Variants in CRX observed in about 807,000 individuals in gnomAD.
The protein encoded by CRX is cone-rod homeobox, also known as cone-rod homeobox protein.
A neutral mutation model predicts 13.1 loss-of-function variants in CRX; 5 were observed. That is an observed-to-expected ratio of 0.38 (90% CI 0.20 to 0.80). The LOEUF (loss-of-function observed/expected upper bound fraction) is 0.80, where lower values mean the gene tolerates loss of function less well. Ranked by LOEUF, CRX falls within the 30% of genes least tolerant of loss-of-function variation. CRX has a pLI of 0.43. For synonymous variants in CRX, 179 were observed against 171.1 expected, an observed-to-expected ratio of 1.05 and a Z score of -0.36; for missense variants, 351 against 391.8, an observed-to-expected ratio of 0.90 and a Z score of 0.88.
At position 47,839,751 on chromosome 19, in the gene CRX, G is replaced by A. The variant is rs756105390; in HGVS notation, c.684G>A (p.Gln228=). ...LDPYLSPMVP[Q]LGGPALSPLS... ...CCTACCTTTCTCCCATGGTGCCCCA[G>A]CTAGGGGGCCCGGCTCTTAGCCCCC... Residue 228 remains glutamine (Q), a synonymous_variant, in exon 4 of 4, where the codon CAG becomes CAA. Coordinates refer to ENST00000221996, the MANE Select transcript of CRX (RefSeq NM_000554.6). The surrounding 1 kb of genome is among the most constrained non-coding windows in gnomAD (Gnocchi z 4.6). The A allele has an allele frequency of 2.7e-5, 43 of 1,613,920 alleles. No individual in the cohort carries two copies. The highest frequency in any genetic ancestry group is 3.5e-5 in the Non-Finnish European group (41 of 1,179,980).
At chr19:47,837,875 A>ATG (rs1968137751) in intron 3 of CRX, among the ~76,000 whole-genome samples, 1 of 152,110 alleles carries the variant, frequency 6.6e-6, no homozygotes, top group South Asian at 2.1e-4. Flanking sequence ...TGACATATAT[A>ATG]TGTGTGAGGT....
intron 3 of CRX, among the ~76,000 whole-genome samples, chr19:47,837,315 T>C (rs1968129500): frequency 1.3e-5 from 2 of 152,022 alleles, no homozygotes; most frequent in African/African-American, 4.8e-5. Context: ...TACAGGCGTG[T>C]GCCACCACAC....
chr19:47,838,632 T>C (rs998089284), intron 3 of CRX, among the ~76,000 whole-genome samples: 13 of 150,542 alleles, frequency 8.6e-5, no homozygotes, highest in Middle Eastern at 3.2e-3. Flanking sequence ...ATGTGTATGA[T>C]GTATGTATGT....
chr19:47,833,505 C>T lies in CRX; in HGVS notation c.-35-904C>T, dbSNP rs147974098. Among the ~76,000 whole-genome samples the T allele has an allele frequency of 2.9e-3, 441 of 152,080 alleles. 11 individuals are homozygous for T. The East Asian group carries it at 0.03, about 10-fold the overall frequency. Reference sequence around the variant, plus strand: ...CCATGTTGGCCAGGCTGGTCTTGAACTTCTGACCTTAGGTGATCCATCCAT... The same window carrying T: ...CCATGTTGGCCAGGCTGGTCTTGAATTTCTGACCTTAGGTGATCCATCCAT... On this transcript the variant is annotated intron_variant, in intron 1 of 3. Transcript: ENST00000221996.
At chr19:47,835,161 A>G (rs979252276) in intron 2 of CRX, among the ~76,000 whole-genome samples, 3 of 152,072 alleles carry the variant, frequency 2.0e-5, no homozygotes, top group African/African-American at 4.8e-5. Context: ...TGCCTGGCTA[A>G]CTTTTTTAAG....
intron 1 of CRX, among the ~76,000 whole-genome samples, chr19:47,825,614 C>A (rs1008064018): frequency 2.6e-5 from 4 of 152,160 alleles, no homozygotes; most frequent in Admixed American, 6.6e-5. Flanking sequence ...CTCCTCTCCC[C>A]TATCCGTTAA....
At chr19:47,838,321 C>T (rs1968144268) in intron 3 of CRX, among the ~76,000 whole-genome samples, 1 of 151,870 alleles carries the variant, frequency 6.6e-6, no homozygotes, top group Non-Finnish European at 1.5e-5. Flanking sequence ...GATTGGATGA[C>T]TGGATGGGTT....
At chr19:47,838,403 T>A (rs1454793276) in intron 3 of CRX, among the ~76,000 whole-genome samples, 1 of 152,080 alleles carries the variant, frequency 6.6e-6, no homozygotes, top group Non-Finnish European at 1.5e-5. Context: ...TCTGCATGAT[T>A]GTATGTATGG....
At chr19:47,832,844 T>C (rs1035512384) in intron 1 of CRX, among the ~76,000 whole-genome samples, 1 of 151,854 alleles carries the variant, frequency 6.6e-6, no homozygotes, top group African/African-American at 2.4e-5. Flanking sequence ...ACATTGAAGG[T>C]GAATTACTAG....
chr19:47,826,284 C>T (rs1967974332), intron 1 of CRX, among the ~76,000 whole-genome samples: 1 of 151,882 alleles, frequency 6.6e-6, no homozygotes. Flanking sequence ...GTAAGTCACA[C>T]TTTCGAGCCT....
intron 2 of CRX, among the ~76,000 whole-genome samples, chr19:47,835,079 C>T (rs148707908): frequency 2.5e-4 from 38 of 152,208 alleles, no homozygotes; most frequent in African/African-American, 8.7e-4. Flanking sequence ...ACTACAGCCT[C>T]GAACTCCTGG....
rs749148264 is a variant in CRX, at chr19:47,839,386, C to G, written c.319C>G (p.Pro107Ala). 22 of 1,613,386 alleles carry G rather than the reference C, an allele frequency of 1.4e-5. No individual in the cohort carries two copies. Among genetic ancestry groups the G allele is most frequent in the Non-Finnish European group, 1.7e-5 (20 of 1,179,786 alleles). The change falls in exon 4 of 4, where the codon CCC becomes GCC. Residue 107 changes from proline to alanine, a missense_variant. Around this residue, in one of 3 missense-constraint regions of CRX, gnomAD observed 253 missense variants for 268.3 expected, o/e 0.94. Coordinates refer to ENST00000221996, the MANE Select transcript of CRX (RefSeq NM_000554.6). This position sits in a 1 kb window ranked among gnomAD's most constrained non-coding sequence, Gnocchi z 4.6. ...ACAGCAGCAGAAACAGCAGCAGCAG[C>G]CCCCAGGGGGCCAGGCCAAGGCCCG... is the stretch of plus-strand genomic sequence containing the variant. ...QRQQQKQQQQPPGGQAKARPA... is the reference protein window; with the variant it reads ...QRQQQKQQQQAPGGQAKARPA...
Position 47,836,356 on chromosome 19 carries a change from G to T in CRX, c.214G>T (p.Val72Leu). 1 of 1,614,250 alleles carries T rather than the reference G, an allele frequency of 6.2e-7. No individual in the cohort carries two copies. The highest frequency in any genetic ancestry group is 8.5e-7 in the Non-Finnish European group (1 of 1,180,042). ...QYPDVYAREE[V>L]ALKINLPESR... is the part of the protein sequence containing the mutation. ...CCCAGACGTCTATGCCCGTGAGGAGGTGGCTCTGAAGATCAATCTGCCTGA... is the reference window on the plus strand; with the variant it reads ...CCCAGACGTCTATGCCCGTGAGGAGTTGGCTCTGAAGATCAATCTGCCTGA... Residue 72 changes from valine to leucine, a missense_variant, in exon 3 of 4, where the codon GTG (valine) becomes TTG (leucine). Val to Leu is a conservative substitution (Grantham distance 32). Around this residue, in one of 3 missense-constraint regions of CRX, gnomAD observed 95 missense variants for 106.7 expected, o/e 0.89. Coordinates refer to ENST00000221996, the MANE Select transcript of CRX (RefSeq NM_000554.6).
At chr19:47,835,545 C>T (rs996030977) in intron 2 of CRX, among the ~76,000 whole-genome samples, 27 of 149,708 alleles carry the variant, frequency 1.8e-4, no homozygotes, top group African/African-American at 5.4e-4. Flanking sequence ...CCACCATGCC[C>T]GGCCAATTTT....
At chr19:47,835,533 C>T (rs2123739196) in intron 2 of CRX, among the ~76,000 whole-genome samples, 1 of 151,580 alleles carries the variant, frequency 6.6e-6, no homozygotes, top group South Asian at 2.1e-4. Flanking sequence ...TACAGGCGCA[C>T]ACCACCATGC....
At chr19:47,827,445 A>C (rs1325753677) in intron 1 of CRX, among the ~76,000 whole-genome samples, 3 of 147,208 alleles carry the variant, frequency 2.0e-5, no homozygotes, top group South Asian at 2.2e-4. Flanking sequence ...CCAGATCCAC[A>C]CAAATTCCTA....
At chr19:47,830,279 G>T (rs1862484) in intron 1 of CRX, among the ~76,000 whole-genome samples, 1 of 151,206 alleles carries the variant, frequency 6.6e-6, no homozygotes, top group South Asian at 2.1e-4. Flanking sequence ...GCTGCACTCC[G>T]GCCTGGATGA....
chr19:47,826,110 T>G (rs1967972454), intron 1 of CRX, among the ~76,000 whole-genome samples: 1 of 152,156 alleles, frequency 6.6e-6, no homozygotes, highest in Non-Finnish European at 1.5e-5. Flanking sequence ...ACCAGTTTCC[T>G]TGTCTCCACT....
At chr19:47,836,169 A>G in intron 2 of CRX, 74 bp from the exon 3 acceptor site, 1 of 1,589,860 alleles carries the variant, frequency 6.3e-7, no homozygotes, top group Non-Finnish European at 8.6e-7. Context: ...AATTCTTGGC[A>G]TCCCACCCAG....
Sources: gnomAD v4.1 joint callset for allele counts (sites outside exome capture counted in the v4.1 genomes callset) on GRCh38, gnomAD v4.1.1 for gene constraint, gnomAD v4.1.1 regional missense constraint, Gnocchi (gnomAD v3.1) non-coding constraint, MANE v1.5 for transcripts, NCBI Gene and HGNC (gene_info 2026-07-23, HGNC 2026-07-21) for gene names.